The following SERPINB1 variants were observed in gnomAD, a reference collection of about 807,000 sequenced individuals.
The protein encoded by SERPINB1 is leukocyte elastase inhibitor.
In SERPINB1, 23 loss-of-function variants were observed where a neutral mutation model predicts 25.9. That is an observed-to-expected ratio of 0.89 (90% CI 0.64 to 1.26). The LOEUF (loss-of-function observed/expected upper bound fraction) is 1.26, where lower values mean the gene tolerates loss of function less well. Ranked by LOEUF, SERPINB1 falls within the 50% of genes most tolerant of loss-of-function variation. SERPINB1 has a pLI of 0.00. For synonymous variants in SERPINB1, 178 were observed against 178.7 expected (o/e 1.00, Z 0.03); for missense variants, 399 against 463.6 (o/e 0.86, Z 1.28).
At position 2,833,906 on chromosome 6, in the gene SERPINB1, C is replaced by G; in HGVS notation, c.842G>C (p.Ser281Thr). Residue 281 changes from serine (S) to threonine (T), a missense_variant, in exon 7 of 7, where the codon AGT becomes ACT. Transcript: ENST00000380739. ...GGCGAGGTCGGAGTTGAGAGTGTAACTCTCTTCCAGTTTGAACCTGGGCAA... is the reference window on the plus strand; with the variant it reads ...GGCGAGGTCGGAGTTGAGAGTGTAAGTCTCTTCCAGTTTGAACCTGGGCAA... ...VSLPRFKLEE[S>T]YTLNSDLARL... The G allele has an allele frequency of 6.2e-7, 1 of 1,614,166 alleles. No individual in the cohort carries two copies. The highest frequency in any genetic ancestry group is 8.5e-7 in the Non-Finnish European group (1 of 1,180,014).
At chr6:2,836,482 A>G (rs1267022546) in intron 4 of SERPINB1, among the ~76,000 whole-genome samples, 2 of 152,214 alleles carry the variant, frequency 1.3e-5, no homozygotes, top group Non-Finnish European at 2.9e-5. Flanking sequence ...AGGACCTGAC[A>G]TTTTAAACAA....
intron 2 of SERPINB1, among the ~76,000 whole-genome samples, 156 bp downstream of exon 2, chr6:2,840,263 C>G (rs1766608187): frequency 6.6e-6 from 1 of 152,110 alleles, no homozygotes; most frequent in African/African-American, 2.4e-5. Flanking sequence ...TGAATGGAAG[C>G]CTGCATACAA....
intron 3 of SERPINB1, 22 bp from the exon 4 acceptor site, chr6:2,838,021 A>C (rs758681354): frequency 1.1e-5 from 16 of 1,481,050 alleles, no homozygotes; most frequent in African/African-American, 1.4e-5. Context: ...AAGGAAAAGG[A>C]AATATATATA....
rs775996144 is a variant in SERPINB1, at chr6:2,835,891, C to A, written c.700G>T (p.Asp234Tyr). 14 of 1,614,116 alleles carry A rather than the reference C, an allele frequency of 8.7e-6. No individual in the cohort carries two copies. Among genetic ancestry groups the A allele is most frequent in the Non-Finnish European group, 1.1e-5 (13 of 1,180,026 alleles). Residue 234 changes from aspartate to tyrosine, a missense_variant, in exon 6 of 7, where the codon GAT (aspartate) becomes TAT (tyrosine). By Grantham distance (160) the Asp-to-Tyr change is radical (BLOSUM62 -3). Transcript: ENST00000380739. ...CCCGTGGACTCGTCCTCAATGTCAT[C>A]CGGCAGCAGGATGACCATGCTGAGC... is the stretch of plus-strand genomic sequence containing the variant. The part of the protein sequence containing the change: ...EELSMVILLP[D>Y]DIEDESTGLK...
chr6:2,835,550 AC>A (rs1766463130), intron 6 of SERPINB1, among the ~76,000 whole-genome samples: 1 of 152,114 alleles, frequency 6.6e-6, no homozygotes, highest in Non-Finnish European at 1.5e-5. Flanking sequence ...GAAAAATGAA[AC>A]GTTAGCCGGG....
In SERPINB1 at chr6:2,838,530, T is replaced by C; in HGVS notation, c.306+19A>G. On this transcript the variant is annotated intron_variant, in intron 3 of 6. Transcript: ENST00000380739. ...CACTGTCTAGTGGGGTTTTAGAATG[T>C]GAAGGGCAAAGTACTTACAGGAAGG... The C allele has an allele frequency of 6.3e-7, 1 of 1,575,466 alleles. No homozygotes were observed. The highest frequency in any genetic ancestry group is 1.2e-5 in the South Asian group (1 of 85,168).
chr6:2,839,586 A>T (rs980052095), intron 2 of SERPINB1: 1 of 674,190 alleles, frequency 1.5e-6, no homozygotes, highest in Admixed American at 6.3e-5. Context: ...CAGCCCCTTG[A>T]ACTTGAATCC....
chr6:2,839,102 C>G (rs1766576580), intron 2 of SERPINB1, among the ~76,000 whole-genome samples: 1 of 151,994 alleles, frequency 6.6e-6, no homozygotes, highest in Non-Finnish European at 1.5e-5. Flanking sequence ...TATTCAGAAC[C>G]ACAAAGATAG....
In SERPINB1 at chr6:2,841,674, G is replaced by A. The variant is rs1408654212; in HGVS notation, c.-9+138C>T. The A allele has an allele frequency of 2.0e-5, 3 of 152,478 alleles. No homozygotes were observed. The highest frequency in any genetic ancestry group is 7.2e-5 in the African/African-American group (3 of 41,400). 9.4% of individuals were successfully genotyped at this position (152,478 alleles called of 1,614,324 possible). A position where few individuals can be genotyped will look rare whatever the true frequency, so the allele number is the denominator to read the frequency against. On this transcript the variant is annotated intron_variant, in intron 1 of 6. Transcript: ENST00000380739. The surrounding 1 kb of genome is among the most constrained non-coding windows in gnomAD (Gnocchi z 4.5). ...AGGGATGGGGGCGCGAAGCTGGCGG[G>A]GAGGGCGAGCGCAGGGAGCTGCGGG...
rs1766528137 is a variant in SERPINB1, at chr6:2,837,535, G to T, written c.424+347C>A. On this transcript the variant is annotated intron_variant, in intron 4 of 6. Transcript: ENST00000380739. This position sits in a 1 kb window ranked among gnomAD's most constrained non-coding sequence, Gnocchi z 4.3. ...ACCTCAAATGATCCGCCCGCCTTGG[G>T]CTCCCAAAGTGCTGGGATTACAGGC... 6.6e-6 allele frequency among the ~76,000 whole-genome samples: 1 copy of T among 152,086 alleles called. No individual in the cohort carries two copies. The highest frequency in any genetic ancestry group is 1.5e-5 in the Non-Finnish European group (1 of 68,022).
intron 2 of SERPINB1, 77 bp downstream of exon 2, chr6:2,840,342 G>A: frequency 6.4e-7 from 1 of 1,551,156 alleles, no homozygotes; most frequent in Admixed American, 1.8e-5. Flanking sequence ...GAGCTCAAAG[G>A]CACAACCTTT....
chr6:2,838,010 A>G lies in SERPINB1; in HGVS notation c.307-11T>C, dbSNP rs1292064395. The G allele has an allele frequency of 6.3e-7, 1 of 1,574,886 alleles. No homozygotes were observed. The highest frequency in any genetic ancestry group is 1.4e-5 in the African/African-American group (1 of 73,770). The stretch of plus-strand genomic sequence containing the variant: ...CGAAACCAAGAACTCCTATTAAAAA[A>G]AAGGAAAAGGAAATATATATATAAC... On this transcript the variant is annotated splice_polypyrimidine_tract_variant and intron_variant, in intron 3 of 6. Coordinates refer to ENST00000380739, the MANE Select transcript of SERPINB1 (RefSeq NM_030666.4).
At chr6:2,838,504 G>T (rs773966296) in intron 3 of SERPINB1, 45 bp downstream of exon 3, 48 of 1,459,430 alleles carry the variant, frequency 3.3e-5, no homozygotes, top group Admixed American at 2.4e-5. Flanking sequence ...GAAAATATCT[G>T]CACTGTCTAG....
At chr6:2,838,394 GTGTTTGCCTTCCATATTGTTTTTGCCA>G (rs372456081) in intron 3 of SERPINB1, among the ~76,000 whole-genome samples, 128 bp downstream of exon 3, 1,885 of 152,242 alleles carry the variant, frequency 0.012, 38 homozygotes, top group African/African-American at 0.043. Context: ...GCATTCTGTC[GTGTTTGCCTTCCATATTGTTTTTGCCA>G]TGTTTGCCTT....
rs141179468 is a variant in SERPINB1 at position 2,833,966 on chromosome 6, G to C, written c.782C>G (p.Pro261Arg). ...AACTTCAATGAAATCGAGATTCTCA[G>C]GTTTAGTCCACTCATGCAACTTTTC... ...TLEKLHEWTK[P>R]ENLDFIEVNV... The change falls in exon 7 of 7, where the codon CCT (proline) becomes CGT (arginine). Residue 261 changes from proline to arginine, a missense_variant. Coordinates refer to ENST00000380739, the MANE Select transcript of SERPINB1 (RefSeq NM_030666.4). The C allele has an allele frequency of 6.2e-7, 1 of 1,610,664 alleles. No homozygotes were observed. The highest frequency in any genetic ancestry group is 1.1e-5 in the South Asian group (1 of 90,666).
chr6:2,834,814 C>T (rs933024022), intron 6 of SERPINB1, among the ~76,000 whole-genome samples: 1 of 152,152 alleles, frequency 6.6e-6, no homozygotes, highest in South Asian at 2.1e-4. Context: ...GTGGACATTA[C>T]TTATATCTAC....
At chr6:2,840,277 T>A (rs1177341518) in intron 2 of SERPINB1, 142 bp downstream of exon 2, 1 of 973,998 alleles carries the variant, frequency 1.0e-6, no homozygotes, top group African/African-American at 1.6e-5. Flanking sequence ...CATACAAGTG[T>A]GACTTTTCTG....
Position 2,841,469 on chromosome 6 carries a change from A to G in SERPINB1, c.-9+343T>C, listed in dbSNP as rs1255620480. The G allele has an allele frequency of 6.6e-6, 1 of 152,612 alleles. No homozygotes were observed. Among genetic ancestry groups the G allele is most frequent in the Non-Finnish European group, 1.5e-5 (1 of 68,358 alleles). The allele number at this position is 152,612 out of a possible 1,614,324, so 9.5% of individuals were successfully genotyped here. ...CCTGGGCTGCCTGGAAACCGTCACA[A>G]ACAGCTCTGGGAGGAAGGGAATTCA... On this transcript the variant is annotated intron_variant, in intron 1 of 6. Coordinates refer to ENST00000380739, the MANE Select transcript of SERPINB1 (RefSeq NM_030666.4). The surrounding 1 kb of genome is among the most constrained non-coding windows in gnomAD (Gnocchi z 4.5).
rs1459764417 is a variant in SERPINB1 at position 2,841,030 on chromosome 6, C to G, written c.-8-436G>C. 6.6e-6 allele frequency among the ~76,000 whole-genome samples: 1 copy of G among 152,076 alleles called. No homozygotes were observed. The highest frequency in any genetic ancestry group is 1.5e-5 in the Non-Finnish European group (1 of 68,036). ...ATTGGGCAATGAATCCATTGCCTAC[C>G]TTCACCTGAACTAAGAGCCTTCTAT... is the stretch of plus-strand genomic sequence containing the variant. On this transcript the variant is annotated intron_variant, in intron 1 of 6. Coordinates refer to ENST00000380739, the MANE Select transcript of SERPINB1 (RefSeq NM_030666.4). This position sits in a 1 kb window ranked among gnomAD's most constrained non-coding sequence, Gnocchi z 4.5.
Sources: gnomAD v4.1 joint callset for allele counts (sites outside exome capture counted in the v4.1 genomes callset) on GRCh38, gnomAD v4.1.1 for gene constraint, Gnocchi (gnomAD v3.1) non-coding constraint, MANE v1.5 for transcripts, NCBI Gene and HGNC (gene_info 2026-07-23, HGNC 2026-07-21) for gene names.